CCDC85A: variants seen among roughly 807,000 people sequenced by gnomAD.
CCDC85A encodes coiled-coil domain containing 85A, also known as coiled-coil domain-containing protein 85A.
In CCDC85A, 38 loss-of-function variants were observed where a neutral mutation model predicts 50.2. That is an observed-to-expected ratio of 0.76 (90% CI 0.58 to 0.99). The LOEUF (loss-of-function observed/expected upper bound fraction) is 0.99. CCDC85A is among the 50% of genes least tolerant of loss of function. The pLI is 0.00. For missense variants in CCDC85A, 820 were observed against 742.0 expected (o/e 1.11, Z -1.22); for synonymous variants, 366 against 301.4 (o/e 1.21, Z -2.22).
At chr2:56,268,214 A>G (rs905346327) in intron 2 of CCDC85A, among the ~76,000 whole-genome samples, 22 of 152,200 alleles carry the variant, frequency 1.4e-4, no homozygotes, top group Admixed American at 1.1e-3. Flanking sequence ...TATCTTATGG[A>G]ACATTGAAGA....
intron 2 of CCDC85A, among the ~76,000 whole-genome samples, chr2:56,329,943 C>CTTTTTTTTTTTTT (rs1336192523): frequency 7.0e-4 from 16 of 22,888 alleles, no homozygotes; most frequent in South Asian, 5.6e-3. Flanking sequence ...TACAGATTTC[C>CTTTTTTTTTTTTT]TGTTTTTTTT....
chr2:56,291,557 G>C (rs1227895419), intron 2 of CCDC85A, among the ~76,000 whole-genome samples: 1 of 152,138 alleles, frequency 6.6e-6, no homozygotes, highest in Non-Finnish European at 1.5e-5. Flanking sequence ...GAAAGATACT[G>C]TTCCCTTGAA....
At chr2:56,358,993 G>A (rs1675386143) in intron 3 of CCDC85A, among the ~76,000 whole-genome samples, 1 of 149,146 alleles carries the variant, frequency 6.7e-6, no homozygotes, top group Non-Finnish European at 1.5e-5. Context: ...TAGTAGAGAT[G>A]GGGTTTCACT....
intron 2 of CCDC85A, among the ~76,000 whole-genome samples, chr2:56,225,826 C>T (rs1668518353): frequency 6.6e-6 from 1 of 152,150 alleles, no homozygotes; most frequent in Non-Finnish European, 1.5e-5. Flanking sequence ...CTCCTTGATC[C>T]TGCTCTTGTC....
intron 2 of CCDC85A, among the ~76,000 whole-genome samples, chr2:56,220,972 C>A (rs1308584098): frequency 6.6e-6 from 1 of 151,968 alleles, no homozygotes; most frequent in East Asian, 1.9e-4. Context: ...CAGCCCTGCT[C>A]CCCGTCAGTA....
chr2:56,379,789 A>G, intron 5 of CCDC85A: 7 of 985,012 alleles, frequency 7.1e-6, no homozygotes, highest in Non-Finnish European at 7.2e-6. Flanking sequence ...TCAACAGGGT[A>G]AAGAGTATGA....
In CCDC85A at chr2:56,184,522, C is replaced by A. The variant is rs538084458; in HGVS notation, c.-103C>A. 6 of 1,224,862 alleles carry A rather than the reference C, an allele frequency of 4.9e-6. No individual in the cohort carries two copies. The East Asian group carries it at 1.6e-4, about 33-fold the overall frequency. The allele number at this position is 1,224,862 out of a possible 1,614,324, so 75.9% of individuals were successfully genotyped here. ...CCCCTGGGCGGTGCCGCTGACTCGC[C>A]GGAGCGCACAGGGGTGTGGGCGGAG... On this transcript the variant is annotated 5_prime_UTR_variant, in exon 1 of 6. Transcript: ENST00000407595.
In CCDC85A at chr2:56,268,431, T is replaced by C. The variant is rs575341529; in HGVS notation, c.1241-74448T>C. Among the ~76,000 whole-genome samples the C allele has an allele frequency of 2.6e-5, 4 of 151,904 alleles. No homozygotes were observed. The East Asian group carries it at 7.8e-4, about 30-fold the overall frequency. ...AACACGGCTGAAACCCTGTCTCTAC[T>C]AAAAATACAAAAAATTAGCCAAGAG... On this transcript the variant is annotated intron_variant, in intron 2 of 5. Transcript: ENST00000407595.
intron 2 of CCDC85A, among the ~76,000 whole-genome samples, chr2:56,195,501 A>G (rs1403909665): frequency 6.6e-6 from 1 of 152,234 alleles, no homozygotes; most frequent in Admixed American, 6.5e-5. Flanking sequence ...TTTGCAGTGC[A>G]TTTGCATTGT....
At chr2:56,253,369 A>G (rs1669851887) in intron 2 of CCDC85A, among the ~76,000 whole-genome samples, 1 of 152,130 alleles carries the variant, frequency 6.6e-6, no homozygotes, top group Non-Finnish European at 1.5e-5. Context: ...AGATCAAGGG[A>G]AGAGTTTCCA....
intron 2 of CCDC85A, among the ~76,000 whole-genome samples, chr2:56,198,224 T>G (rs986340975): frequency 1.3e-5 from 2 of 152,270 alleles, no homozygotes; most frequent in African/African-American, 4.8e-5. Flanking sequence ...ATAGCATGAA[T>G]AATTACTCTC....
At chr2:56,220,042 C>T (rs1042368467) in intron 2 of CCDC85A, among the ~76,000 whole-genome samples, 1 of 151,964 alleles carries the variant, frequency 6.6e-6, no homozygotes, top group Non-Finnish European at 1.5e-5. Flanking sequence ...TGAGTTAAAT[C>T]TAGAGACAAA....
At chr2:56,300,733 C>CGG (rs1202257511) in intron 2 of CCDC85A, among the ~76,000 whole-genome samples, 1 of 152,168 alleles carries the variant, frequency 6.6e-6, no homozygotes, top group Non-Finnish European at 1.5e-5. Context: ...AACATAACCC[C>CGG]ACATGATAAA....
Position 56,192,337 on chromosome 2 carries a change from C to T in CCDC85A, c.277-140C>T, listed in dbSNP as rs1163740972. On this transcript the variant is annotated intron_variant, in intron 1 of 5. Coordinates refer to ENST00000407595, the MANE Select transcript of CCDC85A (RefSeq NM_001080433.2). This position sits in a 1 kb window ranked among gnomAD's most constrained non-coding sequence, Gnocchi z 4.7. ...ATTTTTATGGACAGCTACAAATCTT[C>T]AGCTTCCTCCTACTCCCTCACCTCC... 24 of 1,186,046 alleles carry T rather than the reference C, an allele frequency of 2.0e-5. No individual in the cohort carries two copies. In the East Asian group the frequency reaches 5.4e-4, roughly 27 times the overall value. 73.5% of individuals were successfully genotyped at this position (1,186,046 alleles called of 1,614,324 possible).
intron 3 of CCDC85A, among the ~76,000 whole-genome samples, 151 bp downstream of exon 3, chr2:56,343,106 C>T (rs1187202870): frequency 1.3e-5 from 2 of 152,110 alleles, no homozygotes; most frequent in Admixed American, 6.6e-5. Flanking sequence ...TGATTATGTT[C>T]CATGATGGCC....
At chr2:56,234,951 C>T (rs899718270) in intron 2 of CCDC85A, among the ~76,000 whole-genome samples, 9 of 152,106 alleles carry the variant, frequency 5.9e-5, no homozygotes, top group Admixed American at 1.3e-4. Context: ...TATAAGCCTG[C>T]GTATAAATGA....
intron 2 of CCDC85A, among the ~76,000 whole-genome samples, chr2:56,321,526 G>T (rs145294360): frequency 0.025 from 3,873 of 152,030 alleles, 162 homozygotes; most frequent in African/African-American, 0.087. Flanking sequence ...AAATCATGAG[G>T]GAACTCCCAT....
At chr2:56,227,746 C>G (rs1228333208) in intron 2 of CCDC85A, among the ~76,000 whole-genome samples, 3 of 151,538 alleles carry the variant, frequency 2.0e-5, no homozygotes, top group Non-Finnish European at 2.9e-5. Context: ...ATTTTAATAG[C>G]TGTCTGTTTA....
chr2:56,191,718 G>A (rs1000419865), intron 1 of CCDC85A, among the ~76,000 whole-genome samples: 25 of 152,324 alleles, frequency 1.6e-4, no homozygotes, highest in Middle Eastern at 3.4e-3. Flanking sequence ...TAAGGCTCAG[G>A]TTGCTTGAGA....
Sources: allele counts gnomAD v4.1 joint callset (sites outside exome capture counted in the v4.1 genomes callset), GRCh38; gene constraint gnomAD v4.1.1; non-coding constraint Gnocchi (gnomAD v3.1); transcripts MANE v1.5; gene names NCBI Gene and HGNC (gene_info 2026-07-23, HGNC 2026-07-21).